The following INKA2 variants were observed in gnomAD, a reference collection of about 807,000 sequenced individuals.
The protein encoded by INKA2 is inka box actin regulator 2.
INKA2 carries 3 observed loss-of-function variants against 9.8 expected under a neutral mutation model. That is an observed-to-expected ratio of 0.31 (90% CI 0.14 to 0.79). The LOEUF (loss-of-function observed/expected upper bound fraction) is 0.79, where lower values mean the gene tolerates loss of function less well. Among genes scored for constraint, INKA2 ranks in the 30% least tolerant of loss-of-function variants. INKA2 has a pLI of 0.62. For missense variants in INKA2, 392 were observed against 384.4 expected, an observed-to-expected ratio of 1.02 and a Z score of -0.17; for synonymous variants, 147 against 143.3, an observed-to-expected ratio of 1.03 and a Z score of -0.18.
intron 1 of INKA2, among the ~76,000 whole-genome samples, chr1:111,752,053 G>C (rs1182750783): frequency 6.6e-6 from 1 of 152,100 alleles, no homozygotes; most frequent in African/African-American, 2.4e-5. Flanking sequence ...CTGCTGGCAT[G>C]ATGACCATTA....
intron 1 of INKA2, among the ~76,000 whole-genome samples, chr1:111,728,461 A>G (rs1662840133): frequency 6.6e-6 from 1 of 152,184 alleles, no homozygotes; most frequent in Non-Finnish European, 1.5e-5. Context: ...CTGGGACTCA[A>G]ACACGGTACT....
chr1:111,732,424 A>G (rs1436105779), intron 1 of INKA2, among the ~76,000 whole-genome samples: 2 of 152,046 alleles, frequency 1.3e-5, no homozygotes, highest in Admixed American at 6.6e-5. Flanking sequence ...GGAGCCTCTT[A>G]CTGTCTTGGA....
chr1:111,731,830 A>T (rs1033134360), intron 1 of INKA2, among the ~76,000 whole-genome samples: 6 of 152,228 alleles, frequency 3.9e-5, no homozygotes, highest in Non-Finnish European at 8.8e-5. Context: ...GAAACTTAGC[A>T]CATAGTAATG....
upstream of INKA2, chr1:111,739,435 G>T: frequency 2.8e-6 from 4 of 1,443,602 alleles, no homozygotes; most frequent in Non-Finnish European, 3.6e-6. Context: ...GGTGCTGGGG[G>T]TGGAGGGAAA....
intron 1 of INKA2, among the ~76,000 whole-genome samples, chr1:111,735,333 C>G (rs1385695027): frequency 6.6e-6 from 1 of 152,172 alleles, no homozygotes; most frequent in East Asian, 1.9e-4. Context: ...AACAGTTTAC[C>G]AAGTGCCTAC....
upstream of INKA2, among the ~76,000 whole-genome samples, chr1:111,742,322 C>T (rs544411096): frequency 1.2e-4 from 18 of 152,094 alleles, no homozygotes; most frequent in Non-Finnish European, 2.4e-4. Context: ...CGCAGTGACT[C>T]ATGCCTGTAA....
chr1:111,740,971 TAAAAAAAAAAAAAAAA>T (rs869221820), upstream of INKA2, among the ~76,000 whole-genome samples: 39 of 38,406 alleles, frequency 1.0e-3, 5 homozygotes, highest in African/African-American at 2.9e-3. Flanking sequence ...AAACTCCGTT[TAAAAAAAAAAAAAAAA>T]AAAAAAAAAA....
At chr1:111,741,000 A>C (rs1256121050), upstream of INKA2, among the ~76,000 whole-genome samples, 1 of 99,208 alleles carries the variant, frequency 1.0e-5, no homozygotes, top group Non-Finnish European at 2.2e-5. Context: ...AAAAAAAAAA[A>C]AAAAAAAAAA....
upstream of INKA2, chr1:111,739,445 A>G: frequency 7.0e-7 from 1 of 1,431,940 alleles, no homozygotes; most frequent in Non-Finnish European, 9.2e-7. Flanking sequence ...GTGGAGGGAA[A>G]AGTGGGACAG....
intron 1 of INKA2, chr1:111,745,288 TATA>T (rs1425989638): frequency 9.6e-5 from 5 of 52,328 alleles, no homozygotes; most frequent in African/African-American, 1.9e-4. Context: ...TATATATATA[TATA>T]TATTTTTTTT....
In INKA2 at chr1:111,739,183, T is replaced by C. The variant is rs776957137; in HGVS notation, c.57+3A>G. 84 of 1,613,388 alleles carry C rather than the reference T, an allele frequency of 5.2e-5. No homozygotes were observed. Among genetic ancestry groups the C allele is most frequent in the Non-Finnish European group, 7.0e-5 (82 of 1,179,658 alleles). ...CCTGCCCCGGCGCCAGCTTCGCTCT[T>C]ACCAGCTCCTGTTTGAGGCGACGGA... On this transcript the variant is annotated splice_donor_region_variant and intron_variant, in intron 1 of 1. Coordinates refer to ENST00000357260, the MANE Select transcript of INKA2 (RefSeq NM_019099.5).
chr1:111,731,072 C>T (rs923785524), intron 1 of INKA2, among the ~76,000 whole-genome samples: 3 of 152,214 alleles, frequency 2.0e-5, no homozygotes, highest in Non-Finnish European at 4.4e-5. Context: ...TCCATTCAAT[C>T]TCTTCCAGTG....
intron 1 of INKA2, among the ~76,000 whole-genome samples, chr1:111,729,396 G>C (rs528911290): frequency 2.8e-4 from 42 of 152,376 alleles, no homozygotes; most frequent in African/African-American, 9.9e-4. Context: ...GCCATAGTGA[G>C]ATGCTGGGGG....
At position 111,723,363 on chromosome 1, in the gene INKA2, G is replaced by A; in HGVS notation, c.*3605C>T. The A allele has an allele frequency of 2.2e-6, 1 of 454,292 alleles. No individual in the cohort carries two copies. The highest frequency in any genetic ancestry group is 3.9e-6 in the Non-Finnish European group (1 of 257,964). 28.1% of individuals were successfully genotyped at this position (454,292 alleles called of 1,614,324 possible). ...ACAAGGGAAGTGTCTGAGGGAGAGG[G>A]AAAAGAGAGGTCCCAAGTCTGAAAG... On this transcript the variant is annotated 3_prime_UTR_variant, in exon 2 of 2. Coordinates refer to ENST00000357260, the MANE Select transcript of INKA2 (RefSeq NM_019099.5).
chr1:111,732,618 C>T (rs1252117537), intron 1 of INKA2, among the ~76,000 whole-genome samples: 4 of 149,476 alleles, frequency 2.7e-5, no homozygotes, highest in South Asian at 4.2e-4. Flanking sequence ...ACCTGCTCCA[C>T]CATCAAAGGT....
rs1174780355 is a variant in INKA2 at position 111,727,587 on chromosome 1, G to A, written c.275C>T (p.Ser92Phe). The A allele has an allele frequency of 1.2e-6, 2 of 1,611,502 alleles. No homozygotes were observed. The highest frequency in any genetic ancestry group is 1.7e-6 in the Non-Finnish European group (2 of 1,178,696). The change falls in exon 2 of 2, where the codon TCC becomes TTC. Residue 92 changes from serine (S) to phenylalanine (F), a missense_variant. Coordinates refer to ENST00000357260, the MANE Select transcript of INKA2 (RefSeq NM_019099.5). Reference protein sequence around the residue: ...GRGPARPTVCSPSSQPSLGSS... With the variant: ...GRGPARPTVCFPSSQPSLGSS... ...GCCAAGAGAAGGTTGACTGGAGGGG[G>A]AACAGACTGTGGGCCTGGCAGGACC...
intron 1 of INKA2, chr1:111,755,443 A>C: frequency 1.8e-6 from 1 of 548,374 alleles, no homozygotes; most frequent in Non-Finnish European, 3.2e-6. Context: ...CTCTGCCAGC[A>C]CAGAGGAGCA....
intron 1 of INKA2, among the ~76,000 whole-genome samples, chr1:111,750,302 G>A (rs1204979924): frequency 6.6e-6 from 1 of 152,170 alleles, no homozygotes; most frequent in African/African-American, 2.4e-5. Context: ...CCTAATTCCT[G>A]AGGCTAGTCA....
chr1:111,751,941 GA>G (rs1416934449), intron 1 of INKA2, among the ~76,000 whole-genome samples: 1 of 143,836 alleles, frequency 7.0e-6, no homozygotes, highest in South Asian at 2.2e-4. Flanking sequence ...ACATTTCCCA[GA>G]TTTTTTTTTT....
Sources: gnomAD v4.1 joint callset for allele counts (sites outside exome capture counted in the v4.1 genomes callset) on GRCh38, gnomAD v4.1.1 for gene constraint, MANE v1.5 for transcripts, NCBI Gene and HGNC (gene_info 2026-07-23, HGNC 2026-07-21) for gene names.